Variants in MTF2 observed in about 807,000 individuals in gnomAD.
The protein encoded by MTF2 is metal-response element-binding transcription factor 2.
In MTF2, 11 loss-of-function variants were observed where a neutral mutation model predicts 79.5. That is an observed-to-expected ratio of 0.14 (90% CI 0.09 to 0.23). The LOEUF (loss-of-function observed/expected upper bound fraction) is 0.23, where lower values mean the gene tolerates loss of function less well. MTF2 is among the 10% of genes least tolerant of loss of function. The pLI, the probability that MTF2 is intolerant of heterozygous loss-of-function variation, is 1.00. For synonymous variants in MTF2, 208 were observed against 232.8 expected (o/e 0.89, Z 0.97); for missense variants, 486 against 711.2 (o/e 0.68, Z 3.60).
chr1:93,088,721 G>T (rs986963201), intron 1 of MTF2, among the ~76,000 whole-genome samples: 1 of 151,974 alleles, frequency 6.6e-6, no homozygotes, highest in African/African-American at 2.4e-5. Flanking sequence ...GTGTGCCAAC[G>T]TGCCTGGCTA....
intron 1 of MTF2, among the ~76,000 whole-genome samples, chr1:93,095,600 A>G (rs1227066616): frequency 6.6e-6 from 1 of 151,624 alleles, no homozygotes; most frequent in Non-Finnish European, 1.5e-5. Context: ...TTGGCCTCCC[A>G]AAGTACTGAC....
chr1:93,116,501 ATTTTTTTTT>A (rs34058324), intron 6 of MTF2, among the ~76,000 whole-genome samples: 3 of 120,444 alleles, frequency 2.5e-5, no homozygotes, highest in African/African-American at 1.0e-4. Flanking sequence ...CCATTGTAAG[ATTTTTTTTT>A]TTTTTTTTTT....
intron 1 of MTF2, among the ~76,000 whole-genome samples, chr1:93,107,135 T>C (rs1279856500): frequency 6.6e-6 from 1 of 152,248 alleles, no homozygotes; most frequent in African/African-American, 2.4e-5. Context: ...GGCATCAAAC[T>C]GTACTTGTAT....
chr1:93,101,568 G>GTTGTTTTTTTTTTTTTTTT (rs1655536351), intron 1 of MTF2, among the ~76,000 whole-genome samples: 1 of 25,398 alleles, frequency 3.9e-5, no homozygotes, highest in Non-Finnish European at 6.6e-5. Flanking sequence ...GCTCAGGCTG[G>GTTGTTTTTTTTTTTTTTTT]TTTTTTTTTT....
intron 8 of MTF2, chr1:93,119,901 T>C (rs1388656603): frequency 6.6e-6 from 1 of 152,530 alleles, no homozygotes; most frequent in East Asian, 1.9e-4. Context: ...TGGTATATTC[T>C]GTAGCTTATA....
chr1:93,108,169 G>C (rs776371634), intron 1 of MTF2, among the ~76,000 whole-genome samples: 15 of 152,226 alleles, frequency 9.9e-5, no homozygotes, highest in Middle Eastern at 3.4e-3. Flanking sequence ...TATATATTAT[G>C]GGTCTAACAA....
Position 93,091,013 on chromosome 1 carries a change from T to TTACAAA in MTF2, c.5+11482_5+11483insTACAAA, listed in dbSNP as rs768012804. ...TCCATTTTTGTAACCTTGTAGCTTG[T>TTACAAA]ATGAATGTTCAAACATTTTTTTGCC... On this transcript the variant is annotated intron_variant, in intron 1 of 14. Coordinates refer to ENST00000370298, the MANE Select transcript of MTF2 (RefSeq NM_007358.4). Among the ~76,000 whole-genome samples the TTACAAA allele has an allele frequency of 4.8e-3, 736 of 152,334 alleles. 3 individuals are homozygous for TTACAAA. Among genetic ancestry groups the TTACAAA allele is most frequent in the South Asian group, 8.3e-3 (40 of 4,828 alleles).
At chr1:93,122,055 G>A (rs377487256) in intron 9 of MTF2, among the ~76,000 whole-genome samples, 2 of 152,062 alleles carry the variant, frequency 1.3e-5, no homozygotes, top group South Asian at 2.1e-4. Context: ...GCCCACCTTG[G>A]CCTCCCAAAG....
chr1:93,126,015 C>T (rs1012160847), intron 9 of MTF2, among the ~76,000 whole-genome samples: 2 of 152,038 alleles, frequency 1.3e-5, no homozygotes, highest in African/African-American at 2.4e-5. Context: ...TGAATTGGAT[C>T]TAGGGTCTCA....
chr1:93,090,105 T>C (rs1469803967), intron 1 of MTF2, among the ~76,000 whole-genome samples: 4 of 152,114 alleles, frequency 2.6e-5, no homozygotes, highest in Non-Finnish European at 5.9e-5. Flanking sequence ...GCCTCCTGAG[T>C]AGCTGGGACT....
At chr1:93,133,640 A>G in intron 11 of MTF2, 63 bp from the exon 12 acceptor site, 4 of 1,077,928 alleles carry the variant, frequency 3.7e-6, no homozygotes, top group Admixed American at 2.1e-5. Context: ...AGTTACATAC[A>G]TAGAGTCAAT....
intron 1 of MTF2, among the ~76,000 whole-genome samples, chr1:93,083,223 A>G (rs1264612198): frequency 6.6e-6 from 1 of 152,192 alleles, no homozygotes; most frequent in Non-Finnish European, 1.5e-5. Flanking sequence ...AGAACTCAGT[A>G]TCATGAGAAC....
intron 5 of MTF2, 122 bp from the exon 6 acceptor site, chr1:93,115,348 T>C: frequency 6.1e-6 from 5 of 822,510 alleles, no homozygotes; most frequent in Admixed American, 3.5e-5. Flanking sequence ...TCAGACAGTT[T>C]GTGATATGGT....
At chr1:93,125,499 C>T (rs1303299148) in intron 9 of MTF2, among the ~76,000 whole-genome samples, 2 of 151,838 alleles carry the variant, frequency 1.3e-5, no homozygotes, top group African/African-American at 4.8e-5. Context: ...TATGGAGGGC[C>T]ATAGGGGTTC....
intron 9 of MTF2, among the ~76,000 whole-genome samples, chr1:93,123,865 C>T (rs1656588105): frequency 6.8e-6 from 1 of 147,898 alleles, no homozygotes; most frequent in East Asian, 2.0e-4. Flanking sequence ...TTCTGCCACA[C>T]ATGCATTGCC....
chr1:93,126,674 T>C (rs962009696), intron 9 of MTF2, among the ~76,000 whole-genome samples: 3 of 152,090 alleles, frequency 2.0e-5, no homozygotes, highest in Non-Finnish European at 4.4e-5. Flanking sequence ...TGAAAAATTA[T>C]TGAGCCATTT....
intron 1 of MTF2, among the ~76,000 whole-genome samples, chr1:93,085,223 T>C (rs2101015031): frequency 6.6e-6 from 1 of 151,640 alleles, no homozygotes; most frequent in Non-Finnish European, 1.5e-5. Context: ...GAGTCCAGGC[T>C]GGAGTGCAGT....
chr1:93,094,695 C>A lies in MTF2; in HGVS notation c.5+15164C>A, dbSNP rs540521408. ...TTGCCTTTTTGGGGGGTGGGGTGGGCAAGACTATTTCACATGTGCTGTGGG... is the reference window on the plus strand; with the variant it reads ...TTGCCTTTTTGGGGGGTGGGGTGGGAAAGACTATTTCACATGTGCTGTGGG... On this transcript the variant is annotated intron_variant, in intron 1 of 14. Transcript: ENST00000370298. 3.3e-5 allele frequency among the ~76,000 whole-genome samples: 5 copies of A among 151,988 alleles called. No individual in the cohort carries two copies. The South Asian group carries it at 8.3e-4, about 25-fold the overall frequency.
At position 93,115,459 on chromosome 1, in the gene MTF2, C is replaced by G; in HGVS notation, c.484-11C>G. On this transcript the variant is annotated splice_polypyrimidine_tract_variant and intron_variant, in intron 5 of 14. Coordinates refer to ENST00000370298, the MANE Select transcript of MTF2 (RefSeq NM_007358.4). ...CCTTCACTCTTTCACATTTTTTTCCCTCTAATGTAGAGGGGTGGTGCACTT... is the reference window on the plus strand; with the variant it reads ...CCTTCACTCTTTCACATTTTTTTCCGTCTAATGTAGAGGGGTGGTGCACTT... 6.4e-7 allele frequency: 1 copy of G among 1,550,912 alleles called. No homozygotes were observed. The highest frequency in any genetic ancestry group is 8.7e-7 in the Non-Finnish European group (1 of 1,150,414).
Sources: gnomAD v4.1 joint callset for allele counts (sites outside exome capture counted in the v4.1 genomes callset) on GRCh38, gnomAD v4.1.1 for gene constraint, MANE v1.5 for transcripts, NCBI Gene and HGNC (gene_info 2026-07-23, HGNC 2026-07-21) for gene names.